Variants in KCNT1 observed in about 807,000 individuals in gnomAD.
KCNT1 encodes the protein potassium sodium-activated channel subfamily T member 1.
In KCNT1, 78 loss-of-function variants were observed where a neutral mutation model predicts 147.8. The ratio of observed to expected loss-of-function variants is 0.53; its 90% CI spans 0.44 to 0.64. The LOEUF (loss-of-function observed/expected upper bound fraction) is 0.64, where lower values mean the gene tolerates loss of function less well. Among genes scored for constraint, KCNT1 ranks in the 30% least tolerant of loss-of-function variants. The probability of loss-of-function intolerance (pLI) is 0.00; values close to 1 mark genes in which losing one functional copy is unlikely to be tolerated. For missense variants in KCNT1, 1,419 were observed against 1,750.3 expected, an observed-to-expected ratio of 0.81 and a Z score of 3.38; for synonymous variants, 867 against 748.8, an observed-to-expected ratio of 1.16 and a Z score of -2.58.
chr9:135,717,514 G>A (rs532277840), intron 2 of KCNT1, among the ~76,000 whole-genome samples: 7 of 152,262 alleles, frequency 4.6e-5, no homozygotes, highest in East Asian at 1.9e-4. Flanking sequence ...TGGAGGCTGC[G>A]GGGGCTGGTG....
chr9:135,788,354 G>A (rs557701329), intron 29 of KCNT1, among the ~76,000 whole-genome samples: 1 of 152,374 alleles, frequency 6.6e-6, no homozygotes, highest in East Asian at 1.9e-4. Context: ...GCTGGGCGTT[G>A]AGGACGGGCC....
At chr9:135,782,108 G>T (rs756306744) in intron 24 of KCNT1, among the ~76,000 whole-genome samples, 71 of 152,332 alleles carry the variant, frequency 4.7e-4, no homozygotes, top group Non-Finnish European at 8.7e-4. Flanking sequence ...GGAGGCTAGG[G>T]CAGGAGAATT....
intron 24 of KCNT1, among the ~76,000 whole-genome samples, chr9:135,781,612 G>GTATTT (rs952506410): frequency 5.3e-5 from 8 of 150,186 alleles, no homozygotes; most frequent in African/African-American, 2.0e-4. Flanking sequence ...TGTTTAGTAT[G>GTATTT]TATTTTACTT....
rs75349320 is a variant in KCNT1, at chr9:135,759,407, G to A, written c.855-272G>A. Among the ~76,000 whole-genome samples, 77 of 152,334 alleles carry A rather than the reference G, an allele frequency of 5.1e-4. 4 individuals carry two copies. Among genetic ancestry groups the A allele is most frequent in the Admixed American group, 3.1e-3 (48 of 15,310 alleles). ...GCCACCCGGCAGGCAGGGAGGCTCC[G>A]GGGAATTCGCCGTGAACAGAGGCCG... On this transcript the variant is annotated intron_variant, in intron 10 of 30. Transcript: ENST00000371757.
intron 2 of KCNT1, among the ~76,000 whole-genome samples, chr9:135,727,164 C>G (rs1411628255): frequency 1.3e-4 from 4 of 31,028 alleles, no homozygotes; most frequent in Non-Finnish European, 1.3e-4. Context: ...CCCCCTCCCT[C>G]CCCCCTTTCT....
intron 2 of KCNT1, among the ~76,000 whole-genome samples, chr9:135,744,029 C>A (rs1018350015): frequency 1.3e-5 from 2 of 152,230 alleles, no homozygotes; most frequent in Non-Finnish European, 2.9e-5. Context: ...GCGTGGAGCT[C>A]CCAGGCACCT....
chr9:135,765,856 AATGAGAGCC>A, intron 13 of KCNT1, 96 bp downstream of exon 13: 8 of 1,171,912 alleles, frequency 6.8e-6, no homozygotes, highest in Non-Finnish European at 8.4e-6. Context: ...TCTCCTGGCC[AATGAGAGCC>A]ATGAGAGCAT....
chr9:135,771,029 T>G lies in KCNT1; in HGVS notation c.1942T>G (p.Phe648Val). ...KQEEKRKKRAFSGQGLHEGPA... is the reference protein window; with the variant it reads ...KQEEKRKKRAVSGQGLHEGPA... ...GGAGGAGAAGCGGAAGAAGAGGGCC[T>G]TCTCGGGGCAGGGGCTGCACGAGGG... Residue 648 changes from phenylalanine to valine, a missense_variant, in exon 18 of 31, where the codon TTC becomes GTC. Coordinates refer to ENST00000371757, the MANE Select transcript of KCNT1 (RefSeq NM_020822.3). 6.2e-7 allele frequency: 1 copy of G among 1,613,406 alleles called. No individual in the cohort carries two copies. The highest frequency in any genetic ancestry group is 8.5e-7 in the Non-Finnish European group (1 of 1,179,720).
At position 135,779,454 on chromosome 9, in the gene KCNT1, T is replaced by C. The variant is rs773401972; in HGVS notation, c.2825T>C (p.Leu942Pro). The C allele has an allele frequency of 6.2e-7, 1 of 1,612,710 alleles. No homozygotes were observed. ...GCCAAGGACAGCTACTCTCTGGCTC[T>C]TTCCAAACTAGAAAAGGTGAGCAGC... Reference protein sequence around the residue: ...FRAKDSYSLALSKLEKREREN... With the variant: ...FRAKDSYSLAPSKLEKREREN... Residue 942 changes from leucine to proline, a missense_variant, in exon 24 of 31, where the codon CTT (leucine) becomes CCT (proline). Physicochemically the swap from Leu to Pro is moderately conservative, Grantham distance 98 (BLOSUM62 -3). Transcript: ENST00000371757.
Position 135,779,485 on chromosome 9 carries a change from C to T in KCNT1, c.2841+15C>T. On this transcript the variant is annotated intron_variant, in intron 24 of 30. Coordinates refer to ENST00000371757, the MANE Select transcript of KCNT1 (RefSeq NM_020822.3). ...AACTAGAAAAGGTGAGCAGCCCTGC[C>T]CCGTGCCAGCTGCCACCCCAGAATC... The T allele has an allele frequency of 6.4e-7, 1 of 1,558,350 alleles. No individual in the cohort carries two copies. The highest frequency in any genetic ancestry group is 8.9e-7 in the Non-Finnish European group (1 of 1,129,564).
chr9:135,736,734 C>A (rs1210099687), intron 2 of KCNT1: 1 of 374,974 alleles, frequency 2.7e-6, no homozygotes, highest in Non-Finnish European at 4.7e-6. Flanking sequence ...ACGGGCTCAG[C>A]CCGCTGCTGC....
intron 11 of KCNT1, among the ~76,000 whole-genome samples, chr9:135,763,805 G>A (rs1832072792): frequency 6.6e-6 from 1 of 152,126 alleles, no homozygotes; most frequent in African/African-American, 2.4e-5. Flanking sequence ...GGGTCACTAC[G>A]GAGCTGCCGT....
At chr9:135,764,177 C>T (rs1832099890) in intron 11 of KCNT1, among the ~76,000 whole-genome samples, 1 of 152,172 alleles carries the variant, frequency 6.6e-6, no homozygotes. Flanking sequence ...GTTCAACAAG[C>T]CGGGCACCAT....
intron 2 of KCNT1, among the ~76,000 whole-genome samples, chr9:135,718,979 C>T (rs940997069): frequency 7.9e-5 from 12 of 152,216 alleles, no homozygotes; most frequent in Non-Finnish European, 2.9e-5. Context: ...AGCTCACTCA[C>T]CTCAGGGACC....
At chr9:135,715,080 C>T (rs539901577) in intron 2 of KCNT1, among the ~76,000 whole-genome samples, 6 of 152,300 alleles carry the variant, frequency 3.9e-5, no homozygotes, top group African/African-American at 1.4e-4. Context: ...GCCCCGGTGG[C>T]GGAGCCCGCA....
At chr9:135,719,586 G>C (rs1835846957) in intron 2 of KCNT1, among the ~76,000 whole-genome samples, 1 of 152,198 alleles carries the variant, frequency 6.6e-6, no homozygotes. Flanking sequence ...AGCCCACCGG[G>C]GCCACTGAAG....
At chr9:135,755,948 G>T (rs1261331236) in intron 6 of KCNT1, among the ~76,000 whole-genome samples, 1 of 147,228 alleles carries the variant, frequency 6.8e-6, no homozygotes, top group Admixed American at 6.8e-5. Context: ...AGTAAAACAG[G>T]TGACTCAGGC....
Position 135,734,704 on chromosome 9 carries a change from C to T in KCNT1, c.255-15394C>T, listed in dbSNP as rs145616977. Among the ~76,000 whole-genome samples, 585 of 152,288 alleles carry T rather than the reference C, an allele frequency of 3.8e-3. 3 individuals are homozygous for T. Among genetic ancestry groups the T allele is most frequent in the African/African-American group, 0.013 (540 of 41,566 alleles). Reference sequence around the variant, plus strand: ...GCACTGCATCATGGAGCAGCCGCCCCGGGTGGGCGCGCGCGTTTGCCTCCT... The same window carrying T: ...GCACTGCATCATGGAGCAGCCGCCCTGGGTGGGCGCGCGCGTTTGCCTCCT... On this transcript the variant is annotated intron_variant, in intron 2 of 30. Coordinates refer to ENST00000371757, the MANE Select transcript of KCNT1 (RefSeq NM_020822.3).
intron 21 of KCNT1, 50 bp downstream of exon 21, chr9:135,777,560 T>TGCAGCCA: frequency 7.1e-7 from 1 of 1,402,860 alleles, no homozygotes; most frequent in Non-Finnish European, 9.4e-7. Flanking sequence ...CCCTCAGACC[T>TGCAGCCA]GCAGCCAGCA....
Sources: gnomAD v4.1 joint callset for allele counts (sites outside exome capture counted in the v4.1 genomes callset) on GRCh38, gnomAD v4.1.1 for gene constraint, MANE v1.5 for transcripts, NCBI Gene and HGNC (gene_info 2026-07-23, HGNC 2026-07-21) for gene names.